The following PCNX2 variants were observed in gnomAD, a reference collection of about 807,000 sequenced individuals.
The protein encoded by PCNX2 is pecanex-like protein 2.
PCNX2 carries 168 observed loss-of-function variants against 223.8 expected under a neutral mutation model. The ratio of observed to expected loss-of-function variants is 0.75; its 90% CI spans 0.66 to 0.85. The LOEUF (loss-of-function observed/expected upper bound fraction) is 0.85. Ranked by LOEUF, PCNX2 falls within the 40% of genes least tolerant of loss-of-function variation. The pLI, the probability that PCNX2 is intolerant of heterozygous loss-of-function variation, is 0.00. For missense variants in PCNX2, 2,507 were observed against 2,675.5 expected, an observed-to-expected ratio of 0.94 and a Z score of 1.39; for synonymous variants, 1,006 against 1,052.6, an observed-to-expected ratio of 0.96 and a Z score of 0.86.
At chr1:233,002,483 AC>A (rs747196457) in intron 28 of PCNX2, among the ~76,000 whole-genome samples, 3 of 152,208 alleles carry the variant, frequency 2.0e-5, no homozygotes, top group Non-Finnish European at 4.4e-5. Flanking sequence ...AGAACTACAA[AC>A]CACTGCTTAA....
intron 23 of PCNX2, among the ~76,000 whole-genome samples, chr1:233,070,868 C>G (rs57391315): frequency 0.11 from 16,009 of 151,930 alleles, 937 homozygotes; most frequent in East Asian, 0.16. Flanking sequence ...AACCCCATCT[C>G]TACTAAAAAT....
chr1:233,279,184 A>C (rs549684987), intron 1 of PCNX2, among the ~76,000 whole-genome samples: 78 of 152,148 alleles, frequency 5.1e-4, no homozygotes, highest in Non-Finnish European at 1.0e-3. Flanking sequence ...TTTTTTTAAG[A>C]AATAAATAAG....
At chr1:233,121,779 A>C (rs974342348) in intron 21 of PCNX2, among the ~76,000 whole-genome samples, 1 of 152,206 alleles carries the variant, frequency 6.6e-6, no homozygotes. Context: ...GAAAACATTA[A>C]TTTGAACTCA....
intron 1 of PCNX2, chr1:233,290,642 GT>G (rs1325866460): frequency 2.6e-5 from 17 of 662,268 alleles, no homozygotes; most frequent in Non-Finnish European, 3.2e-5. Flanking sequence ...CAATTAGAAT[GT>G]GTTGGGTGCT....
chr1:233,230,485 T>C (rs1657999600), intron 9 of PCNX2, among the ~76,000 whole-genome samples: 1 of 152,102 alleles, frequency 6.6e-6, no homozygotes, highest in African/African-American at 2.4e-5. Flanking sequence ...TGCCAAAGAA[T>C]AGGGGAAGTC....
In PCNX2 at chr1:233,295,302, C is replaced by T. The variant is rs1476884077; in HGVS notation, c.153+24G>A. 4 of 1,569,854 alleles carry T rather than the reference C, an allele frequency of 2.5e-6. No homozygotes were observed. The South Asian group carries it at 4.7e-5, about 18-fold the overall frequency. On this transcript the variant is annotated intron_variant, in intron 1 of 33. Transcript: ENST00000258229. This position sits in a 1 kb window ranked among gnomAD's most constrained non-coding sequence, Gnocchi z 4.1. The stretch of plus-strand genomic sequence containing the variant: ...TCTTCCCTCCATACCCACAGCTCCC[C>T]GGGACCGGACCCTCCCCACTCACCA...
chr1:232,988,628 ATCGTGGCAC>A (rs1381735796), intron 32 of PCNX2, among the ~76,000 whole-genome samples: 1 of 152,214 alleles, frequency 6.6e-6, no homozygotes, highest in East Asian at 1.9e-4. Context: ...TTGGTTTATT[ATCGTGGCAC>A]TTAATTCCTT....
intron 24 of PCNX2, chr1:233,054,695 T>A: frequency 2.0e-6 from 1 of 500,854 alleles, no homozygotes; most frequent in Non-Finnish European, 3.5e-6. Flanking sequence ...TTATAGGCCA[T>A]AAGCAGCATC....
Position 233,208,628 on chromosome 1 carries a change from A to G in PCNX2, c.2753T>C (p.Ile918Thr). ...TTTGGCCCCTGTATCAAGAAGCAAA[A>G]TAAGGCCACACAGCACACAAAAATA... The part of the protein sequence containing the change: ...PIYFCVLCGL[I>T]LLLDTGAKAR... Residue 918 changes from isoleucine (I) to threonine (T), a missense_variant, in exon 13 of 34, where the codon ATT becomes ACT. Ile to Thr is a moderately conservative substitution (Grantham distance 89, BLOSUM62 -1). This residue lies in a region of PCNX2 where 104 missense variants were observed against 144.4 expected (regional missense o/e 0.72). Transcript: ENST00000258229. The G allele has an allele frequency of 6.2e-7, 1 of 1,613,912 alleles. No individual in the cohort carries two copies. The highest frequency in any genetic ancestry group is 8.5e-7 in the Non-Finnish European group (1 of 1,179,874).
chr1:233,250,261 TTCA>T (rs767460529), intron 8 of PCNX2, among the ~76,000 whole-genome samples: 2 of 93,246 alleles, frequency 2.1e-5, no homozygotes, highest in African/African-American at 4.4e-5. Flanking sequence ...TAATATCAAC[TTCA>T]TCAACTAATT....
chr1:233,112,443 T>C lies in PCNX2; in HGVS notation c.3838-16580A>G, dbSNP rs183253400. On this transcript the variant is annotated intron_variant, in intron 21 of 33. Transcript: ENST00000258229. ...TTCTTTCAGCAAGTGAGTCTAGAGT[T>C]GTCACCTGTCTTGAATTCCTGAAGC... 1.3e-3 allele frequency among the ~76,000 whole-genome samples: 202 copies of C among 152,318 alleles called. 1 individual carries two copies. Among genetic ancestry groups the C allele is most frequent in the Non-Finnish European group, 1.4e-3 (94 of 68,024 alleles).
chr1:233,130,586 G>A (rs1016199193), intron 21 of PCNX2, among the ~76,000 whole-genome samples: 35 of 151,538 alleles, frequency 2.3e-4, no homozygotes, highest in Non-Finnish European at 2.8e-4. Context: ...CTGGGTTCCC[G>A]CCATTCTCCT....
chr1:233,121,040 T>C (rs773555641), intron 21 of PCNX2, among the ~76,000 whole-genome samples: 1 of 151,072 alleles, frequency 6.6e-6, no homozygotes, highest in South Asian at 2.1e-4. Context: ...CAAGGAACAA[T>C]TGGAGTTTAA....
At chr1:233,116,697 A>T (rs1213131788) in intron 21 of PCNX2, among the ~76,000 whole-genome samples, 1 of 152,162 alleles carries the variant, frequency 6.6e-6, no homozygotes, top group Middle Eastern at 3.2e-3. Context: ...ACATTAGAAA[A>T]GAGGAAAAGT....
chr1:233,030,889 A>T (rs1455909864), intron 25 of PCNX2, among the ~76,000 whole-genome samples: 2 of 152,206 alleles, frequency 1.3e-5, no homozygotes, highest in African/African-American at 4.8e-5. Flanking sequence ...CTCCATGCAG[A>T]TTTCTGCAGC....
chr1:232,998,187 G>A (rs1669942796), intron 32 of PCNX2, 64 bp downstream of exon 32: 3 of 1,413,880 alleles, frequency 2.1e-6, no homozygotes, highest in South Asian at 3.2e-5. Flanking sequence ...TCATAACTCA[G>A]GGCATTGGTC....
chr1:233,112,601 GTGAGAA>G (rs1675174290), intron 21 of PCNX2, among the ~76,000 whole-genome samples: 1 of 152,212 alleles, frequency 6.6e-6, no homozygotes, highest in South Asian at 2.1e-4. Context: ...CATTTAACCA[GTGAGAA>G]TTCTCTCTTT....
rs142491943 is a variant in PCNX2 at position 233,249,578 on chromosome 1, T to C, written c.2222+1161A>G. Among the ~76,000 whole-genome samples the C allele has an allele frequency of 3.1e-3, 473 of 152,292 alleles. 2 individuals carry two copies. The highest frequency in any genetic ancestry group is 0.011 in the African/African-American group (457 of 41,572). On this transcript the variant is annotated intron_variant, in intron 8 of 33. Coordinates refer to ENST00000258229, the MANE Select transcript of PCNX2 (RefSeq NM_014801.4). ...TGGCTGGAGAAGAAGAAGTTTGTGA[T>C]GTTTGGATTGGTCCATGGTACCTGA... is the stretch of plus-strand genomic sequence containing the variant.
At chr1:233,108,234 A>G (rs1674912387) in intron 21 of PCNX2, among the ~76,000 whole-genome samples, 1 of 152,150 alleles carries the variant, frequency 6.6e-6, no homozygotes, top group African/African-American at 2.4e-5. Flanking sequence ...CTCACCCTAA[A>G]TTCTTTCTTG....
Sources: gnomAD v4.1 joint callset for allele counts (sites outside exome capture counted in the v4.1 genomes callset) on GRCh38, gnomAD v4.1.1 for gene constraint, gnomAD v4.1.1 regional missense constraint, Gnocchi (gnomAD v3.1) non-coding constraint, MANE v1.5 for transcripts, NCBI Gene and HGNC (gene_info 2026-07-23, HGNC 2026-07-21) for gene names.